The following FXR1 variants were observed in gnomAD, a reference collection of about 807,000 sequenced individuals.
FXR1 encodes the protein RNA-binding protein FXR1.
Under a neutral mutation model 84.0 loss-of-function variants are expected in FXR1, and 15 were observed. The ratio of observed to expected loss-of-function variants is 0.18; its 90% confidence interval spans 0.12 to 0.27. The LOEUF is 0.27. FXR1 is among the 10% of genes least tolerant of loss of function. The pLI is 1.00. For missense variants in FXR1, 480 were observed against 774.4 expected (o/e 0.62, Z 4.51); for synonymous variants, 245 against 250.7 (o/e 0.98, Z 0.21).
chr3:180,970,383 A>AATGTATAT (rs1553778954), intron 15 of FXR1, 25 bp downstream of exon 15: 2 of 366,380 alleles, frequency 5.5e-6, no homozygotes, highest in East Asian at 1.4e-4. Flanking sequence ...AGGGAAGAGA[A>AATGTATAT]ATATATATAT....
intron 1 of FXR1, among the ~76,000 whole-genome samples, chr3:180,932,512 T>A (rs1370527987): frequency 6.6e-6 from 1 of 152,242 alleles, no homozygotes; most frequent in Non-Finnish European, 1.5e-5. Context: ...CCCAAGTCCT[T>A]TGCTCTTTCT....
rs1312002090 is a variant in FXR1 at position 180,979,062 on chromosome 3, T to TA, written c.*2771dup. The TA allele has an allele frequency of 6.6e-6, 1 of 152,146 alleles. No individual in the cohort carries two copies. The highest frequency in any genetic ancestry group is 1.5e-5 in the Non-Finnish European group (1 of 67,978). The allele number at this position is 152,146 out of a possible 1,614,324, so 9.4% of individuals were successfully genotyped here. The stretch of plus-strand genomic sequence containing the variant: ...TCAAACTGGTGAGTTCACAGAAACT[T>TA]ACCTGAGATGATGCTGGGTTCCATT... On this transcript the variant is annotated 3_prime_UTR_variant, in exon 17 of 17. Coordinates refer to ENST00000357559, the MANE Select transcript of FXR1 (RefSeq NM_005087.4).
chr3:180,930,766 G>C (rs1719791401), intron 1 of FXR1, among the ~76,000 whole-genome samples: 1 of 152,142 alleles, frequency 6.6e-6, no homozygotes. Flanking sequence ...CAGGTGTGGT[G>C]GCTCATGCCT....
chr3:180,960,117 C>G (rs1711906261), intron 10 of FXR1, among the ~76,000 whole-genome samples: 1 of 152,174 alleles, frequency 6.6e-6, no homozygotes, highest in African/African-American at 2.4e-5. Flanking sequence ...GAAAAATTCA[C>G]AGTGTGCCAT....
chr3:180,948,268 A>T, intron 4 of FXR1, 79 bp from the exon 5 acceptor site: 1 of 1,036,220 alleles, frequency 9.7e-7, no homozygotes. Context: ...GGTTAAGCTG[A>T]GCAAGGTAAT....
At chr3:180,950,150 T>A (rs1252725044) in intron 7 of FXR1, among the ~76,000 whole-genome samples, 3 of 152,208 alleles carry the variant, frequency 2.0e-5, no homozygotes, top group Non-Finnish European at 4.4e-5. Context: ...AGTAGGATAC[T>A]TGTTCTTCCC....
At chr3:180,926,095 C>CT (rs1361508200) in intron 1 of FXR1, among the ~76,000 whole-genome samples, 1 of 152,116 alleles carries the variant, frequency 6.6e-6, no homozygotes, top group Non-Finnish European at 1.5e-5. Context: ...ATGAACTGCA[C>CT]TTTTTTCTTT....
At chr3:180,962,006 T>A (rs1343186274) in intron 11 of FXR1, among the ~76,000 whole-genome samples, 1 of 152,214 alleles carries the variant, frequency 6.6e-6, no homozygotes, top group Non-Finnish European at 1.5e-5. Flanking sequence ...TCATCTCCAC[T>A]GACATTACTC....
intron 1 of FXR1, among the ~76,000 whole-genome samples, chr3:180,919,640 T>C (rs1421072776): frequency 6.6e-6 from 1 of 151,724 alleles, no homozygotes; most frequent in African/African-American, 2.4e-5. Flanking sequence ...TTAGGTTAAA[T>C]AATATTGAAA....
At chr3:180,966,838 AAAG>A (rs1400034687) in intron 13 of FXR1, among the ~76,000 whole-genome samples, 2 of 152,202 alleles carry the variant, frequency 1.3e-5, no homozygotes, top group Admixed American at 6.5e-5. Context: ...TATAAGAGGG[AAAG>A]AAGAAGTGGC....
intron 2 of FXR1, among the ~76,000 whole-genome samples, chr3:180,933,637 CA>C (rs1720191085): frequency 6.6e-6 from 1 of 152,094 alleles, no homozygotes; most frequent in South Asian, 2.1e-4. Context: ...ATAGATGGCA[CA>C]AATTAGATGA....
chr3:180,921,909 C>T (rs1479244365), intron 1 of FXR1, among the ~76,000 whole-genome samples: 1 of 152,090 alleles, frequency 6.6e-6, no homozygotes, highest in African/African-American at 2.4e-5. Context: ...GTTTGTAGCA[C>T]ATATACGTGG....
chr3:180,941,596 TGTA>T (rs1721126649), intron 3 of FXR1, among the ~76,000 whole-genome samples: 1 of 152,222 alleles, frequency 6.6e-6, no homozygotes, highest in African/African-American at 2.4e-5. Flanking sequence ...TGTATTTAGA[TGTA>T]GTTTTTCTCA....
Position 180,935,162 on chromosome 3 carries a change from A to G in FXR1, c.129A>G (p.Pro43=), listed in dbSNP as rs764907955. The stretch of plus-strand genomic sequence containing the variant: ...GTTGGCAACCAGAACGCCAGGTTCC[A>G]TTTAATGAAGTTAGATTACCACCAC... The part of the protein sequence containing the change: ...ENNWQPERQV[P]FNEVRLPPPP... Residue 43 remains proline (P), a synonymous_variant, in exon 3 of 17, where the codon CCA becomes CCG. Transcript: ENST00000357559. The G allele has an allele frequency of 1.9e-6, 3 of 1,584,318 alleles. No homozygotes were observed. Among genetic ancestry groups the G allele is most frequent in the Non-Finnish European group, 1.7e-6 (2 of 1,153,352 alleles).
chr3:180,943,938 T>C (rs140741664), intron 3 of FXR1, among the ~76,000 whole-genome samples: 82 of 152,060 alleles, frequency 5.4e-4, no homozygotes, highest in African/African-American at 1.9e-3. Flanking sequence ...TTTTTTGAGA[T>C]GCAGTTTCGC....
chr3:180,951,029 A>G (rs1722180595), intron 7 of FXR1, among the ~76,000 whole-genome samples: 1 of 151,954 alleles, frequency 6.6e-6, no homozygotes, highest in African/African-American at 2.4e-5. Context: ...CCTGGGTAAC[A>G]TAGTGAGAGC....
intron 3 of FXR1, among the ~76,000 whole-genome samples, chr3:180,947,361 G>T (rs925599879): frequency 6.6e-6 from 1 of 152,096 alleles, no homozygotes; most frequent in Non-Finnish European, 1.5e-5. Context: ...TAGGAATTTT[G>T]TAAGATACTT....
At chr3:180,931,519 T>C (rs1464073924) in intron 1 of FXR1, among the ~76,000 whole-genome samples, 3 of 152,180 alleles carry the variant, frequency 2.0e-5, no homozygotes, top group Non-Finnish European at 4.4e-5. Flanking sequence ...GCACCGGGCC[T>C]ACCATAGCAA....
intron 10 of FXR1, 93 bp downstream of exon 10, chr3:180,958,021 G>A: frequency 1.9e-6 from 1 of 523,396 alleles, no homozygotes; most frequent in Non-Finnish European, 3.5e-6. Flanking sequence ...ATCTGATACA[G>A]AGGGTTTTTC....
Sources: gnomAD v4.1 joint callset for allele counts (sites outside exome capture counted in the v4.1 genomes callset) on GRCh38, gnomAD v4.1.1 for gene constraint, MANE v1.5 for transcripts, NCBI Gene and HGNC (gene_info 2026-07-23, HGNC 2026-07-21) for gene names.